LAMA2: variants seen among roughly 807,000 people sequenced by gnomAD.
LAMA2 encodes the protein laminin subunit alpha-2.
LAMA2 carries 269 observed loss-of-function variants against 364.8 expected under a neutral mutation model. The observed-to-expected ratio is 0.74, with a 90% CI of 0.67 to 0.82. The LOEUF (loss-of-function observed/expected upper bound fraction) is 0.82. Among genes scored for constraint, LAMA2 ranks in the 40% least tolerant of loss-of-function variants. The pLI is 0.00. For missense variants in LAMA2, 3,807 were observed against 3,873.2 expected, an observed-to-expected ratio of 0.98 and a Z score of 0.45; for synonymous variants, 1,379 against 1,370.6, an observed-to-expected ratio of 1.01 and a Z score of -0.14.
At chr6:129,381,271 C>T (rs1302090400) in intron 34 of LAMA2, among the ~76,000 whole-genome samples, 2 of 151,968 alleles carry the variant, frequency 1.3e-5, no homozygotes, top group African/African-American at 4.8e-5. Flanking sequence ...AGAGTGGTAC[C>T]ATAAAGTTCA....
chr6:129,510,093 T>C (rs1351295725), intron 62 of LAMA2, among the ~76,000 whole-genome samples: 1 of 152,134 alleles, frequency 6.6e-6, no homozygotes, highest in Non-Finnish European at 1.5e-5. Flanking sequence ...ACCACTGTTA[T>C]TCAACATAGT....
At chr6:129,059,953 AT>A (rs1303072119) in intron 3 of LAMA2, 57 bp downstream of exon 3, 12 of 951,108 alleles carry the variant, frequency 1.3e-5, no homozygotes, top group Admixed American at 3.5e-5. Flanking sequence ...TACATTTGCT[AT>A]TTGTTTAGTT....
Position 129,391,649 on chromosome 6 carries a change from T to G in LAMA2, c.5230T>G (p.Leu1744Val). 6.2e-7 allele frequency: 1 copy of G among 1,612,490 alleles called. No individual in the cohort carries two copies. Among genetic ancestry groups the G allele is most frequent in the Non-Finnish European group, 8.5e-7 (1 of 1,178,602 alleles). Residue 1744 changes from leucine to valine, a missense_variant, in exon 36 of 65, where the codon TTG becomes GTG. By Grantham distance (32) the Leu-to-Val change is conservative. Coordinates refer to ENST00000421865, the MANE Select transcript of LAMA2 (RefSeq NM_000426.4). The stretch of plus-strand genomic sequence containing the variant: ...ACAAAAGGAAATTGCTGAAGATGAG[T>G]TGGTGTGAGTAGATGAGTTATTATT... Reference protein sequence around the residue: ...ETQKEIAEDELVAAEALLKKV... With the variant: ...ETQKEIAEDEVVAAEALLKKV...
At chr6:129,289,535 G>C (rs1034942362) in intron 19 of LAMA2, among the ~76,000 whole-genome samples, 1 of 152,076 alleles carries the variant, frequency 6.6e-6, no homozygotes, top group Admixed American at 6.6e-5. Flanking sequence ...GGCTAAGTTA[G>C]TCATTTACTG....
chr6:129,361,507 C>G (rs189430271), intron 32 of LAMA2, among the ~76,000 whole-genome samples: 2 of 152,342 alleles, frequency 1.3e-5, no homozygotes, highest in East Asian at 1.9e-4. Context: ...TCCACTGTCA[C>G]GCCTAGGGGC....
At chr6:129,264,206 T>A (rs906149216) in intron 15 of LAMA2, among the ~76,000 whole-genome samples, 7 of 152,168 alleles carry the variant, frequency 4.6e-5, no homozygotes, top group African/African-American at 1.4e-4. Context: ...TAAAAAGAGT[T>A]AGCATATTCT....
At chr6:129,362,046 T>C (rs1428345815) in intron 32 of LAMA2, among the ~76,000 whole-genome samples, 1 of 151,858 alleles carries the variant, frequency 6.6e-6, no homozygotes, top group Non-Finnish European at 1.5e-5. Flanking sequence ...AAGCCTCCCA[T>C]ACTGCTTGGA....
At position 129,252,080 on chromosome 6, in the gene LAMA2, T is replaced by A; in HGVS notation, c.1885-4T>A. ...TTTTTTATTTCTTTTTTTTCCCCCT[T>A]TAGGGTAATGACTTGAGCATCAGCA... On this transcript the variant is annotated splice_polypyrimidine_tract_variant and splice_region_variant and intron_variant, in intron 13 of 64. Transcript: ENST00000421865. The A allele has an allele frequency of 6.2e-7, 1 of 1,606,348 alleles. No homozygotes were observed. The highest frequency in any genetic ancestry group is 8.5e-7 in the Non-Finnish European group (1 of 1,173,448).
At chr6:129,310,880 A>T (rs950347472) in intron 22 of LAMA2, among the ~76,000 whole-genome samples, 2 of 152,136 alleles carry the variant, frequency 1.3e-5, no homozygotes, top group Non-Finnish European at 2.9e-5. Flanking sequence ...AACAAAACCA[A>T]AAACAAACAC....
chr6:129,397,555 T>C (rs1583655376), intron 37 of LAMA2, among the ~76,000 whole-genome samples: 1 of 152,118 alleles, frequency 6.6e-6, no homozygotes, highest in South Asian at 2.1e-4. Flanking sequence ...CTCTATACTT[T>C]TGTCAATATT....
At chr6:128,917,665 A>G (rs1430455438) in intron 1 of LAMA2, among the ~76,000 whole-genome samples, 2 of 135,620 alleles carry the variant, frequency 1.5e-5, no homozygotes, top group Non-Finnish European at 3.2e-5. Context: ...TTTTCTCTTT[A>G]TTTTATACTC....
intron 15 of LAMA2, among the ~76,000 whole-genome samples, chr6:129,262,941 C>A (rs1481416343): frequency 6.6e-6 from 1 of 152,126 alleles, no homozygotes; most frequent in Admixed American, 6.6e-5. Context: ...GATTCAGGAT[C>A]TTTTTTCTCA....
chr6:129,310,118 C>A (rs1225382208), intron 22 of LAMA2, among the ~76,000 whole-genome samples: 1 of 151,878 alleles, frequency 6.6e-6, no homozygotes, highest in African/African-American at 2.4e-5. Context: ...CCAGGATGGT[C>A]TCGATCTCCT....
intron 3 of LAMA2, among the ~76,000 whole-genome samples, chr6:129,092,368 A>T (rs1416227629): frequency 6.6e-6 from 1 of 152,224 alleles, no homozygotes; most frequent in Non-Finnish European, 1.5e-5. Context: ...ATGGGTATTA[A>T]GCTTGAAAAC....
chr6:129,039,607 C>G (rs903143723), intron 1 of LAMA2, among the ~76,000 whole-genome samples: 4 of 152,180 alleles, frequency 2.6e-5, no homozygotes, highest in African/African-American at 9.7e-5. Flanking sequence ...CTAGGAAGGG[C>G]AGTGGTGCTC....
At chr6:129,018,433 A>G (rs1785211402) in intron 1 of LAMA2, among the ~76,000 whole-genome samples, 1 of 151,982 alleles carries the variant, frequency 6.6e-6, no homozygotes, top group African/African-American at 2.4e-5. Context: ...GTGATACGAA[A>G]GTCAAAGGAA....
At chr6:128,892,689 A>G (rs1171378101) in intron 1 of LAMA2, among the ~76,000 whole-genome samples, 1 of 151,930 alleles carries the variant, frequency 6.6e-6, no homozygotes, top group Non-Finnish European at 1.5e-5. Context: ...AAATCTCTCA[A>G]TATAGATTGT....
At chr6:129,139,762 A>G (rs1051246431) in intron 4 of LAMA2, among the ~76,000 whole-genome samples, 1 of 152,130 alleles carries the variant, frequency 6.6e-6, no homozygotes, top group Non-Finnish European at 1.5e-5. Flanking sequence ...ACTCATTTAC[A>G]TAAAAATTCT....
rs1562532994 is a variant in LAMA2, at chr6:129,403,844, T to A, written c.5750T>A (p.Ile1917Asn). 1 of 1,613,716 alleles carries A rather than the reference T, an allele frequency of 6.2e-7. No individual in the cohort carries two copies. Among genetic ancestry groups the A allele is most frequent in the South Asian group, 1.1e-5 (1 of 91,074 alleles). The part of the protein sequence containing the change: ...LDGILDEAKN[I>N]SFNATAAFKA... ...AGAATCCTTGATGAGGCTAAAAACATCTCCTTCAATGCCACTGCAGCCTTC... is the reference window on the plus strand; with the variant it reads ...AGAATCCTTGATGAGGCTAAAAACAACTCCTTCAATGCCACTGCAGCCTTC... The change falls in exon 40 of 65, where the codon ATC (isoleucine) becomes AAC (asparagine). Residue 1917 changes from isoleucine to asparagine, a missense_variant. Ile to Asn is a moderately radical substitution (Grantham distance 149). Coordinates refer to ENST00000421865, the MANE Select transcript of LAMA2 (RefSeq NM_000426.4).
Sources: gnomAD v4.1 joint callset for allele counts (sites outside exome capture counted in the v4.1 genomes callset) on GRCh38, gnomAD v4.1.1 for gene constraint, MANE v1.5 for transcripts, NCBI Gene and HGNC (gene_info 2026-07-23, HGNC 2026-07-21) for gene names.